Variants in YEATS2 observed in about 807,000 individuals in gnomAD.
The protein encoded by YEATS2 is YEATS domain-containing protein 2.
Under a neutral mutation model 163.2 loss-of-function variants are expected in YEATS2, and 77 were observed. The ratio of observed to expected loss-of-function variants is 0.47; its 90% CI spans 0.39 to 0.57. YEATS2 has a LOEUF of 0.57. Ranked by LOEUF, YEATS2 falls within the 20% of genes least tolerant of loss-of-function variation. The pLI is 0.00. For synonymous variants in YEATS2, 631 were observed against 645.1 expected (o/e 0.98, Z 0.33); for missense variants, 1,549 against 1,729.8 (o/e 0.90, Z 1.85).
Position 183,808,900 on chromosome 3 carries a change from C to G in YEATS2, c.4087-197C>G, listed in dbSNP as rs909958174. 3 of 542,314 alleles carry G rather than the reference C, an allele frequency of 5.5e-6. No homozygotes were observed. The Admixed American group carries it at 9.6e-5, about 17-fold the overall frequency. 33.6% of individuals were successfully genotyped at this position (542,314 alleles called of 1,614,324 possible). On this transcript the variant is annotated intron_variant, in intron 29 of 30. Coordinates refer to ENST00000305135, the MANE Select transcript of YEATS2 (RefSeq NM_018023.5). ...AATAATGTCTGATTAATGAAAATCA[C>G]TCCAATTCATAATTTCTCAGAATCA...
chr3:183,810,612 C>CT lies in YEATS2; in HGVS notation c.*32dup. ...GAGTGAGGTGCCCTGGAGAAGCAGG[C>CT]TTTGAAGGCACAGCGAAGCTGTAAC... On this transcript the variant is annotated 3_prime_UTR_variant, in exon 31 of 31. Coordinates refer to ENST00000305135, the MANE Select transcript of YEATS2 (RefSeq NM_018023.5). The CT allele has an allele frequency of 6.3e-7, 1 of 1,597,452 alleles. No individual in the cohort carries two copies. Among genetic ancestry groups the CT allele is most frequent in the African/African-American group, 1.3e-5 (1 of 74,616 alleles).
intron 21 of YEATS2, chr3:183,793,583 C>A: frequency 3.0e-4 from 56 of 188,172 alleles, no homozygotes; most frequent in Non-Finnish European, 4.9e-4. Context: ...GCTGATGGAA[C>A]TTTCTGTATC....
rs1283432086 is a variant in YEATS2 at position 183,760,313 on chromosome 3, A to AGTTTTTTTTTTTTTTTTTTT, written c.1657-1194_1657-1193insGTTTTTTTTTTTTTTTTTTT. 7.3e-5 allele frequency among the ~76,000 whole-genome samples: 8 copies of AGTTTTTTTTTTTTTTTTTTT among 110,314 alleles called. 1 individual carries two copies. Among genetic ancestry groups the AGTTTTTTTTTTTTTTTTTTT allele is most frequent in the Non-Finnish European group, 8.8e-5 (5 of 56,962 alleles). 72.4% of individuals were successfully genotyped at this position (110,314 alleles called of 152,430 possible). A position where few individuals can be genotyped will look rare whatever the true frequency, so the allele number is the denominator to read the frequency against. ...TTGAGAATTAAAGAGAAACTACAGA[A>AGTTTTTTTTTTTTTTTTTTT]TTTTTTTTTTTTTTTTTTTTTTTTT... is the stretch of plus-strand genomic sequence containing the variant. On this transcript the variant is annotated intron_variant, in intron 13 of 30. Coordinates refer to ENST00000305135, the MANE Select transcript of YEATS2 (RefSeq NM_018023.5).
chr3:183,759,214 A>G (rs1721090062), intron 13 of YEATS2, among the ~76,000 whole-genome samples: 1 of 152,118 alleles, frequency 6.6e-6, no homozygotes, highest in Non-Finnish European at 1.5e-5. Flanking sequence ...TGATGACGCA[A>G]ATTTCATAAA....
intron 8 of YEATS2, 96 bp from the exon 9 acceptor site, chr3:183,747,576 A>C: frequency 1.0e-6 from 1 of 962,290 alleles, no homozygotes; most frequent in African/African-American, 1.6e-5. Context: ...TATGGTATGA[A>C]GACTTGCAAA....
intron 7 of YEATS2, among the ~76,000 whole-genome samples, chr3:183,735,715 G>A (rs945897147): frequency 8.6e-5 from 13 of 151,250 alleles, no homozygotes; most frequent in African/African-American, 2.2e-4. Flanking sequence ...TTGAGATGGA[G>A]TCTTGCTCTG....
chr3:183,769,049 AT>A (rs759957145), intron 15 of YEATS2, among the ~76,000 whole-genome samples: 2 of 152,158 alleles, frequency 1.3e-5, no homozygotes, highest in Non-Finnish European at 2.9e-5. Context: ...GCCGGGGGTG[AT>A]TTCTTGTCTT....
intron 6 of YEATS2, among the ~76,000 whole-genome samples, chr3:183,728,153 C>A (rs1393778703): frequency 6.6e-6 from 1 of 152,150 alleles, no homozygotes. Context: ...TAGCTTCGAA[C>A]TCCTGGGCTC....
chr3:183,789,282 A>G (rs1724357344), intron 20 of YEATS2, among the ~76,000 whole-genome samples: 1 of 152,122 alleles, frequency 6.6e-6, no homozygotes, highest in Non-Finnish European at 1.5e-5. Context: ...TCTTTAATCC[A>G]TTTTGATTGC....
At chr3:183,781,915 ATT>A (rs142688193) in intron 19 of YEATS2, among the ~76,000 whole-genome samples, 1 of 149,044 alleles carries the variant, frequency 6.7e-6, no homozygotes, top group African/African-American at 2.5e-5. Flanking sequence ...AAAAAAAAAA[ATT>A]TTTTTTTTCT....
intron 8 of YEATS2, among the ~76,000 whole-genome samples, chr3:183,737,905 A>T (rs1231023090): frequency 6.6e-6 from 1 of 152,238 alleles, no homozygotes; most frequent in Non-Finnish European, 1.5e-5. Flanking sequence ...ACCCTCTGTC[A>T]GACAACTCTG....
intron 3 of YEATS2, 112 bp downstream of exon 3, chr3:183,717,860 C>CA: frequency 1.1e-5 from 3 of 277,440 alleles, no homozygotes; most frequent in African/African-American, 2.6e-5. Context: ...CTCCTCTTTG[C>CA]TTTTTTTTTT....
At chr3:183,749,244 GTTCATATATT>G (rs1719899791) in intron 9 of YEATS2, among the ~76,000 whole-genome samples, 1 of 152,066 alleles carries the variant, frequency 6.6e-6, no homozygotes, top group Admixed American at 6.5e-5. Context: ...CGCCCGGCCG[GTTCATATATT>G]TTTTAAAAAT....
intron 21 of YEATS2, among the ~76,000 whole-genome samples, chr3:183,791,274 G>A (rs985565502): frequency 6.6e-6 from 1 of 152,064 alleles, no homozygotes; most frequent in Non-Finnish European, 1.5e-5. Flanking sequence ...AGGTCAAGCA[G>A]TCCACCCACC....
At chr3:183,735,897 A>G (rs1446630687) in intron 7 of YEATS2, among the ~76,000 whole-genome samples, 2 of 152,230 alleles carry the variant, frequency 1.3e-5, no homozygotes, top group Admixed American at 6.5e-5. Flanking sequence ...GCCAGTATTC[A>G]TAACAAATGT....
chr3:183,744,561 G>A (rs1017727111), intron 8 of YEATS2, among the ~76,000 whole-genome samples: 1 of 152,136 alleles, frequency 6.6e-6, no homozygotes, highest in Admixed American at 6.6e-5. Flanking sequence ...GCTTTTGGTG[G>A]AAGATTATTG....
chr3:183,798,386 C>T (rs925207531), intron 22 of YEATS2, among the ~76,000 whole-genome samples: 6 of 152,152 alleles, frequency 3.9e-5, no homozygotes, highest in African/African-American at 1.4e-4. Context: ...CAGAGTTTTG[C>T]TCTGTCACCA....
At chr3:183,756,445 G>C (rs1456877730) in intron 11 of YEATS2, 83 bp from the exon 12 acceptor site, 4 of 1,348,154 alleles carry the variant, frequency 3.0e-6, no homozygotes, top group Non-Finnish European at 4.0e-6. Flanking sequence ...TGGTGGCACT[G>C]ACCTTCTTCC....
At chr3:183,746,818 T>C (rs1284579995) in intron 8 of YEATS2, among the ~76,000 whole-genome samples, 1 of 152,274 alleles carries the variant, frequency 6.6e-6, no homozygotes, top group Admixed American at 6.5e-5. Context: ...TGTTGGCTGC[T>C]AAGAAACTCA....
Sources: allele counts gnomAD v4.1 joint callset (sites outside exome capture counted in the v4.1 genomes callset), GRCh38; gene constraint gnomAD v4.1.1; transcripts MANE v1.5; gene names NCBI Gene and HGNC (gene_info 2026-07-23, HGNC 2026-07-21).